ABCB10: variants seen among roughly 807,000 people sequenced by gnomAD.
ABCB10 encodes the protein ATP binding cassette subfamily B member 10.
ABCB10 carries 54 observed loss-of-function variants against 65.4 expected under a neutral mutation model. The observed-to-expected ratio is 0.83, with a 90% CI of 0.66 to 1.04. ABCB10 has a LOEUF of 1.04. Among genes scored for constraint, ABCB10 ranks in the 50% least tolerant of loss-of-function variants. The pLI is 0.00. For synonymous variants in ABCB10, 418 were observed against 406.5 expected, an observed-to-expected ratio of 1.03 and a Z score of -0.34; for missense variants, 846 against 976.6, an observed-to-expected ratio of 0.87 and a Z score of 1.78.
At chr1:229,553,636 TAAA>T (rs1466447347) in intron 1 of ABCB10, among the ~76,000 whole-genome samples, 21 of 151,614 alleles carry the variant, frequency 1.4e-4, no homozygotes, top group African/African-American at 5.1e-4. Context: ...AGATGAGGGT[TAAA>T]GGGAGGATTT....
Position 229,558,642 on chromosome 1 carries a change from G to C in ABCB10, c.11C>G (p.Pro4Arg). Residue 4 changes from proline (P) to arginine (R), a missense_variant, in exon 1 of 13, where the codon CCC becomes CGC. Physicochemically the swap from Pro to Arg is moderately radical, Grantham distance 103. Transcript: ENST00000344517. MRG[P>R]PAWPLRLLEP... is the part of the protein sequence containing the mutation. ...GAGCAGCCGCAGCGGCCAGGCAGGG[G>C]GGCCTCGCATGGCGCTGCGTGCGAC... 2 of 1,369,540 alleles carry C rather than the reference G, an allele frequency of 1.5e-6. No homozygotes were observed. The highest frequency in any genetic ancestry group is 1.9e-6 in the Non-Finnish European group (2 of 1,062,894). 84.8% of individuals were successfully genotyped at this position (1,369,540 alleles called of 1,614,324 possible). A position where few individuals can be genotyped will look rare whatever the true frequency, so the allele number is the denominator to read the frequency against.
chr1:229,558,107 C>G, intron 1 of ABCB10, 29 bp downstream of exon 1: 1 of 1,332,242 alleles, frequency 7.5e-7, no homozygotes, highest in South Asian at 1.8e-5. Context: ...AGAGGCCCGG[C>G]GGAGGGAAGT....
At chr1:229,524,505 T>TG (rs994582856) in intron 10 of ABCB10, among the ~76,000 whole-genome samples, 9 of 151,538 alleles carry the variant, frequency 5.9e-5, no homozygotes, top group African/African-American at 1.9e-4. Context: ...ATATTTGTAT[T>TG]GAAAAAAAAA....
In ABCB10 at chr1:229,542,363, G is replaced by C. The variant is rs771769165; in HGVS notation, c.930C>G (p.Val310=). The C allele has an allele frequency of 3.7e-6, 6 of 1,607,466 alleles. No homozygotes were observed. Among genetic ancestry groups the C allele is most frequent in the Non-Finnish European group, 5.1e-6 (6 of 1,178,244 alleles). ...AAACAAAGGTGGCCAGATTAGGTGA[G>C]ACAAAAAACTGTCAAAAACAAAAAA... ...ASVGISMMFF[V]SPNLATFVLS... is the part of the protein sequence containing the mutation. The change falls in exon 4 of 13, where the codon GTC becomes GTG. Residue 310 remains valine, a synonymous_variant. Coordinates refer to ENST00000344517, the MANE Select transcript of ABCB10 (RefSeq NM_012089.3).
chr1:229,548,849 G>C (rs530562497), intron 2 of ABCB10, among the ~76,000 whole-genome samples: 2 of 152,038 alleles, frequency 1.3e-5, no homozygotes, highest in East Asian at 3.9e-4. Context: ...TTCTAGTAGA[G>C]ACGGGGTTTC....
chr1:229,540,381 A>G lies in ABCB10; in HGVS notation c.1203+225T>C, dbSNP rs12118574. Among the ~76,000 whole-genome samples the G allele has an allele frequency of 7.8e-3, 1,184 of 152,368 alleles. 5 individuals are homozygous for G. Among genetic ancestry groups the G allele is most frequent in the Middle Eastern group, 0.024 (7 of 294 alleles). On this transcript the variant is annotated intron_variant, in intron 5 of 12. Coordinates refer to ENST00000344517, the MANE Select transcript of ABCB10 (RefSeq NM_012089.3). ...GATGCCGCTGGCCTGCACCGCACAA[A>G]GAATCAGTGCCCGATCACACCATGC...
chr1:229,558,158 G>T lies in ABCB10; in HGVS notation c.495C>A (p.Tyr165Ter). The T allele has an allele frequency of 7.0e-7, 1 of 1,432,908 alleles. No homozygotes were observed. The highest frequency in any genetic ancestry group is 9.1e-7 in the Non-Finnish European group (1 of 1,096,474). 88.8% of individuals were successfully genotyped at this position (1,432,908 alleles called of 1,614,324 possible). A position where few individuals can be genotyped will look rare whatever the true frequency, so the allele number is the denominator to read the frequency against. Residue 165 changes from tyrosine to a stop codon, truncating the protein, a stop_gained, in exon 1 of 13, where the codon TAC becomes TAA. Coordinates refer to ENST00000344517, the MANE Select transcript of ABCB10 (RefSeq NM_012089.3). LOFTEE classifies it high-confidence loss of function. ...PEARKLLGLA[Y>*]PERRRLAAAV... Reference sequence around the variant, plus strand: ...TACCTGCCAGCCTCCGGCGCTCAGGGTACGCCAGCCCCAGGAGCTTCCGGG... The same window carrying T: ...TACCTGCCAGCCTCCGGCGCTCAGGTTACGCCAGCCCCAGGAGCTTCCGGG...
At chr1:229,521,815 AATT>A (rs1295389336) in intron 10 of ABCB10, among the ~76,000 whole-genome samples, 180 bp from the exon 11 acceptor site, 1 of 152,186 alleles carries the variant, frequency 6.6e-6, no homozygotes, top group Non-Finnish European at 1.5e-5. Context: ...CAAAATTAAT[AATT>A]ATTATCATAG....
chr1:229,550,625 G>A (rs1217921106), intron 1 of ABCB10, among the ~76,000 whole-genome samples: 3 of 151,644 alleles, frequency 2.0e-5, no homozygotes, highest in Admixed American at 6.6e-5. Context: ...GGCCAAGGCG[G>A]GTAGGTCACT....
At chr1:229,552,953 G>A (rs572242790) in intron 1 of ABCB10, among the ~76,000 whole-genome samples, 1 of 152,162 alleles carries the variant, frequency 6.6e-6, no homozygotes, top group Admixed American at 6.5e-5. Context: ...CTTGGAATCA[G>A]GGAAGGGAGC....
At chr1:229,522,138 C>A (rs1291644585) in intron 10 of ABCB10, among the ~76,000 whole-genome samples, 1 of 152,156 alleles carries the variant, frequency 6.6e-6, no homozygotes, top group Non-Finnish European at 1.5e-5. Context: ...GGATTATAGG[C>A]GGGAGCCACA....
At chr1:229,528,633 GT>G (rs1662498369) in intron 8 of ABCB10, among the ~76,000 whole-genome samples, 1 of 151,910 alleles carries the variant, frequency 6.6e-6, no homozygotes, top group Non-Finnish European at 1.5e-5. Flanking sequence ...CTCTCACATT[GT>G]TTTAACCAAA....
At chr1:229,533,558 A>G (rs1321171635) in intron 6 of ABCB10, among the ~76,000 whole-genome samples, 1 of 152,268 alleles carries the variant, frequency 6.6e-6, no homozygotes, top group Admixed American at 6.5e-5. Context: ...ATATTTATGC[A>G]AGATACAATG....
chr1:229,542,466 T>C (rs992068387), intron 3 of ABCB10, 95 bp from the exon 4 acceptor site: 5 of 1,427,782 alleles, frequency 3.5e-6, no homozygotes, highest in African/African-American at 1.4e-5. Flanking sequence ...TGTGGGTGTG[T>C]CTGTGTGTGT....
chr1:229,528,601 T>C (rs190720349), intron 8 of ABCB10, among the ~76,000 whole-genome samples: 3 of 152,342 alleles, frequency 2.0e-5, no homozygotes, highest in Admixed American at 6.5e-5. Context: ...GCAAGTCACA[T>C]ATTTATCTGA....
At position 229,558,369 on chromosome 1, in the gene ABCB10, C is replaced by A; in HGVS notation, c.284G>T (p.Arg95Leu). 8.0e-7 allele frequency: 1 copy of A among 1,252,062 alleles called. No individual in the cohort carries two copies. The highest frequency in any genetic ancestry group is 1.0e-6 in the Non-Finnish European group (1 of 987,104). 77.6% of individuals were successfully genotyped at this position (1,252,062 alleles called of 1,614,324 possible). A position where few individuals can be genotyped will look rare whatever the true frequency, so the allele number is the denominator to read the frequency against. Residue 95 changes from arginine to leucine, a missense_variant, in exon 1 of 13, where the codon CGC becomes CTC. This residue lies in a region of ABCB10 where 214 missense variants were observed against 173.5 expected (regional missense o/e 1.23). Transcript: ENST00000344517. ...CCCGCACCTGCAGCTGCCGGGGCCGCGAGCCCACAGCCCCAGGAGCCGCGC... is the reference window on the plus strand; with the variant it reads ...CCCGCACCTGCAGCTGCCGGGGCCGAGAGCCCACAGCCCCAGGAGCCGCGC... The part of the protein sequence containing the change: ...GLARLLGLWA[R>L]GPGSCRCGAF...
At position 229,526,027 on chromosome 1, in the gene ABCB10, T is replaced by G. The variant is rs1455694445; in HGVS notation, c.1815A>C (p.Arg605Ser). Residue 605 changes from arginine to serine, a missense_variant, in exon 10 of 13, where the codon AGA (arginine) becomes AGC (serine). Around this residue, in one of 2 missense-constraint regions of ABCB10, gnomAD observed 632 missense variants for 803.2 expected, o/e 0.79. Transcript: ENST00000344517. ...PSSVTAEEIQ[R>S]VAEVANAVAF... ...CCACTGCATTGGCCACTTCAGCCAC[T>G]CTCTGGATTTCCTCAGCGGTCACAG... is the stretch of plus-strand genomic sequence containing the variant. 1.6e-5 allele frequency: 26 copies of G among 1,614,078 alleles called. No individual in the cohort carries two copies. Among genetic ancestry groups the G allele is most frequent in the Non-Finnish European group, 2.2e-5 (26 of 1,180,040 alleles).
intron 1 of ABCB10, among the ~76,000 whole-genome samples, chr1:229,551,197 T>C (rs892390161): frequency 6.6e-6 from 1 of 152,162 alleles, no homozygotes; most frequent in Non-Finnish European, 1.5e-5. Context: ...GTGGGGAACA[T>C]TTAGAAAAAT....
intron 3 of ABCB10, among the ~76,000 whole-genome samples, 184 bp downstream of exon 3, chr1:229,547,315 G>A (rs1662993158): frequency 6.6e-6 from 1 of 152,220 alleles, no homozygotes; most frequent in Non-Finnish European, 1.5e-5. Flanking sequence ...GAGAAATGAA[G>A]GTACAAGAGG....
Sources: allele counts gnomAD v4.1 joint callset (sites outside exome capture counted in the v4.1 genomes callset), GRCh38; gene constraint gnomAD v4.1.1; regional missense constraint gnomAD v4.1.1; transcripts MANE v1.5; gene names NCBI Gene and HGNC (gene_info 2026-07-23, HGNC 2026-07-21).